Variants in FSTL5 observed in about 807,000 individuals in gnomAD.
The protein encoded by FSTL5 is follistatin-related protein 5.
Under a neutral mutation model 89.1 loss-of-function variants are expected in FSTL5, and 62 were observed. The observed-to-expected ratio is 0.70, with a 90% CI of 0.57 to 0.86. The LOEUF (loss-of-function observed/expected upper bound fraction) is 0.86, where lower values mean the gene tolerates loss of function less well. Ranked by LOEUF, FSTL5 falls within the 40% of genes least tolerant of loss-of-function variation. FSTL5 has a pLI of 0.00. For missense variants in FSTL5, 1,057 were observed against 1,001.6 expected, an observed-to-expected ratio of 1.06 and a Z score of -0.75; for synonymous variants, 383 against 346.2, an observed-to-expected ratio of 1.11 and a Z score of -1.18.
At chr4:161,425,216 T>G (rs1305489431) in intron 15 of FSTL5, among the ~76,000 whole-genome samples, 2 of 152,210 alleles carry the variant, frequency 1.3e-5, no homozygotes, top group East Asian at 3.8e-4. Context: ...GATTATATGC[T>G]GTTAAAAGTT....
At chr4:161,461,296 AC>A (rs375965864) in intron 13 of FSTL5, among the ~76,000 whole-genome samples, 29,945 of 120,290 alleles carry the variant, frequency 0.25, 5,019 homozygotes, top group East Asian at 0.43. Context: ...TACAAAAAAA[AC>A]AAACAAACAA....
At chr4:162,115,552 C>T (rs1731604547) in intron 1 of FSTL5, among the ~76,000 whole-genome samples, 1 of 152,160 alleles carries the variant, frequency 6.6e-6, no homozygotes, top group Admixed American at 6.5e-5. Flanking sequence ...TAAAACAAAC[C>T]AGCTGGAACA....
intron 2 of FSTL5, among the ~76,000 whole-genome samples, chr4:162,070,594 T>C (rs963508631): frequency 6.6e-6 from 1 of 151,898 alleles, no homozygotes; most frequent in African/African-American, 2.4e-5. Context: ...CTAGGACCAT[T>C]TACTGAAGAG....
chr4:161,388,301 A>G (rs1383697678), intron 15 of FSTL5: 1 of 152,084 alleles, frequency 6.6e-6, no homozygotes, highest in Non-Finnish European at 1.5e-5. Flanking sequence ...GATAAATTTC[A>G]GTCTTGATTA....
At chr4:162,107,324 C>T (rs916670475) in intron 2 of FSTL5, among the ~76,000 whole-genome samples, 1 of 152,102 alleles carries the variant, frequency 6.6e-6, no homozygotes, top group Non-Finnish European at 1.5e-5. Context: ...TGAGAATATT[C>T]ATATAATAAA....
intron 13 of FSTL5, among the ~76,000 whole-genome samples, chr4:161,464,139 T>G (rs1239244910): frequency 6.6e-6 from 1 of 152,164 alleles, no homozygotes. Flanking sequence ...TCTAATTTCT[T>G]TTAGAGTGAA....
chr4:161,862,553 T>G (rs868389867), intron 4 of FSTL5, among the ~76,000 whole-genome samples: 3 of 152,066 alleles, frequency 2.0e-5, no homozygotes, highest in Middle Eastern at 3.4e-3. Flanking sequence ...GACAACATGG[T>G]GAAACCCTGT....
chr4:161,557,072 TAA>T (rs1360420377), intron 8 of FSTL5, among the ~76,000 whole-genome samples: 1 of 151,420 alleles, frequency 6.6e-6, no homozygotes, highest in African/African-American at 2.4e-5. Context: ...ATTAATTTGA[TAA>T]AGTCGTGTGG....
intron 6 of FSTL5, among the ~76,000 whole-genome samples, chr4:161,689,824 A>C (rs1373609096): frequency 6.6e-6 from 1 of 152,234 alleles, no homozygotes; most frequent in Middle Eastern, 3.4e-3. Flanking sequence ...TCCCTCATCA[A>C]CTGACAACTA....
chr4:161,756,579 T>C (rs1291985282), intron 6 of FSTL5, among the ~76,000 whole-genome samples: 3 of 152,130 alleles, frequency 2.0e-5, no homozygotes, highest in Non-Finnish European at 4.4e-5. Flanking sequence ...TTCTGACTTG[T>C]AAAATGTTAT....
At chr4:161,832,619 G>T (rs1410032334) in intron 4 of FSTL5, among the ~76,000 whole-genome samples, 1 of 152,172 alleles carries the variant, frequency 6.6e-6, no homozygotes, top group Non-Finnish European at 1.5e-5. Context: ...GAGGGTGTAT[G>T]TGTCGAGGAA....
chr4:161,557,717 A>G (rs116314195), intron 8 of FSTL5, among the ~76,000 whole-genome samples: 11,310 of 151,812 alleles, frequency 0.074, 540 homozygotes, highest in Middle Eastern at 0.17. Context: ...TTATCATACT[A>G]TCATACTGTG....
intron 2 of FSTL5, among the ~76,000 whole-genome samples, chr4:162,034,893 G>A (rs193147906): frequency 5.3e-4 from 80 of 152,124 alleles, no homozygotes; most frequent in African/African-American, 1.9e-3. Context: ...TTAAAACTTG[G>A]TGTTCTATTT....
chr4:161,559,204 C>T lies in FSTL5; in HGVS notation c.1016-16511G>A, dbSNP rs191163877. On this transcript the variant is annotated intron_variant, in intron 8 of 15. Coordinates refer to ENST00000306100, the MANE Select transcript of FSTL5 (RefSeq NM_020116.5). ...TATATGGTGAATCTCTTCGTAAAAG[C>T]CTGCATTGATGTTTCTAATCTATAT... Among the ~76,000 whole-genome samples the T allele has an allele frequency of 3.1e-3, 474 of 151,882 alleles. 9 individuals are homozygous for T. The highest frequency in any genetic ancestry group is 0.027 in the Admixed American group (405 of 15,188).
At chr4:161,549,052 A>G (rs1282631182) in intron 8 of FSTL5, among the ~76,000 whole-genome samples, 2 of 151,760 alleles carry the variant, frequency 1.3e-5, no homozygotes, top group African/African-American at 4.8e-5. Context: ...AATATTGAGA[A>G]TAATATTGTT....
chr4:161,948,123 A>T (rs1047353059), intron 3 of FSTL5, among the ~76,000 whole-genome samples: 12 of 117,346 alleles, frequency 1.0e-4, no homozygotes, highest in East Asian at 3.1e-4. Flanking sequence ...CAGAAAATTT[A>T]AAAAAAAAAA....
chr4:161,635,323 G>T (rs1029054414), intron 7 of FSTL5, among the ~76,000 whole-genome samples: 1 of 152,118 alleles, frequency 6.6e-6, no homozygotes. Flanking sequence ...GGGAGGCGGA[G>T]GTTCCAGTGA....
intron 6 of FSTL5, among the ~76,000 whole-genome samples, chr4:161,729,633 A>C (rs1018795449): frequency 3.9e-5 from 6 of 152,218 alleles, no homozygotes; most frequent in African/African-American, 1.4e-4. Flanking sequence ...CAAAAACGAT[A>C]CTGAATTATG....
At chr4:161,543,282 C>T (rs1216334882) in intron 8 of FSTL5, among the ~76,000 whole-genome samples, 1 of 151,616 alleles carries the variant, frequency 6.6e-6, no homozygotes, top group African/African-American at 2.4e-5. Flanking sequence ...TTAAAGAAGA[C>T]CTAAATAAAT....
Sources: allele counts gnomAD v4.1 joint callset (sites outside exome capture counted in the v4.1 genomes callset), GRCh38; gene constraint gnomAD v4.1.1; transcripts MANE v1.5; gene names NCBI Gene and HGNC (gene_info 2026-07-23, HGNC 2026-07-21).